DNAH8: variants seen among roughly 807,000 people sequenced by gnomAD.
DNAH8 encodes axonemal beta dynein heavy chain 8.
A neutral mutation model predicts 562.1 loss-of-function variants in DNAH8; 382 were observed. The ratio of observed to expected loss-of-function variants is 0.68; its 90% CI spans 0.63 to 0.74. The LOEUF is 0.74. Among genes scored for constraint, DNAH8 ranks in the 30% least tolerant of loss-of-function variants. The pLI is 0.00. For missense variants in DNAH8, 5,203 were observed against 5,620.4 expected (o/e 0.93, Z 2.37); for synonymous variants, 1,881 against 1,919.4 (o/e 0.98, Z 0.52).
chr6:38,873,424 T>C (rs1261409552), intron 52 of DNAH8, 48 bp downstream of exon 52: 2 of 1,518,428 alleles, frequency 1.3e-6, no homozygotes, highest in South Asian at 2.6e-5. Context: ...GATTTTTTTT[T>C]CACTCAGTTG....
chr6:38,828,745 A>G (rs1296491504), intron 30 of DNAH8, among the ~76,000 whole-genome samples: 1 of 152,216 alleles, frequency 6.6e-6, no homozygotes, highest in Non-Finnish European at 1.5e-5. Flanking sequence ...TAGAATACAC[A>G]TACCATAAAG....
At chr6:38,986,464 T>C (rs114216339) in intron 87 of DNAH8, among the ~76,000 whole-genome samples, 4,925 of 152,062 alleles carry the variant, frequency 0.032, 116 homozygotes, top group Middle Eastern at 0.048. Context: ...AGACAGTGAA[T>C]GGATATCAGG....
intron 12 of DNAH8, among the ~76,000 whole-genome samples, chr6:38,774,061 T>A (rs914275301): frequency 1.3e-5 from 2 of 151,576 alleles, no homozygotes; most frequent in Non-Finnish European, 3.0e-5. Context: ...TTATGGCAGG[T>A]ATAGACTTGA....
In DNAH8 at chr6:38,805,492, C is replaced by CA; in HGVS notation, c.3047dup (p.His1016GlnfsTer7). The CA allele has an allele frequency of 6.2e-7, 1 of 1,603,964 alleles. No individual in the cohort carries two copies. Among genetic ancestry groups the CA allele is most frequent in the Non-Finnish European group, 8.5e-7 (1 of 1,171,272 alleles). ...TCTTTTGTCTATAGAACAGCGGAAA[C>CA]ACGTTGTTTTTGGAAGTGAAACAGG... is the stretch of plus-strand genomic sequence containing the variant. On this transcript the variant is annotated frameshift_variant, in exon 23 of 93. Transcript: ENST00000327475. LOFTEE classifies it high-confidence loss of function.
At chr6:38,751,720 T>A (rs1051852319) in intron 9 of DNAH8, among the ~76,000 whole-genome samples, 1 of 152,194 alleles carries the variant, frequency 6.6e-6, no homozygotes, top group Non-Finnish European at 1.5e-5. Flanking sequence ...TGGTATTTCA[T>A]AATATTTCAT....
chr6:39,013,854 AAGAG>A (rs771882353), intron 91 of DNAH8, among the ~76,000 whole-genome samples: 3 of 150,802 alleles, frequency 2.0e-5, no homozygotes, highest in Non-Finnish European at 3.0e-5. Context: ...CTATCTAAAA[AAGAG>A]AGAGAGAGAG....
intron 53 of DNAH8, among the ~76,000 whole-genome samples, chr6:38,876,201 T>C (rs928344854): frequency 9.9e-5 from 15 of 152,212 alleles, no homozygotes; most frequent in African/African-American, 3.6e-4. Flanking sequence ...ACAATTCCCC[T>C]GTTGGGAATG....
At chr6:38,720,235 G>A (rs1370431636) in intron 1 of DNAH8, among the ~76,000 whole-genome samples, 2 of 152,190 alleles carry the variant, frequency 1.3e-5, no homozygotes, top group Non-Finnish European at 2.9e-5. Context: ...TATCAGCAGT[G>A]CTAAAGGGAG....
intron 80 of DNAH8, among the ~76,000 whole-genome samples, chr6:38,947,091 A>G (rs1295266923): frequency 6.6e-6 from 1 of 152,208 alleles, no homozygotes; most frequent in Non-Finnish European, 1.5e-5. Context: ...AGATGAGATA[A>G]CAGAGATTCA....
Position 38,807,858 on chromosome 6 carries a change from A to G in DNAH8, c.3257+142A>G, listed in dbSNP as rs566029738. The G allele has an allele frequency of 6.9e-5, 28 of 403,376 alleles. 1 individual carries two copies. The South Asian group carries it at 2.9e-3, about 42-fold the overall frequency. The allele number at this position is 403,376 out of a possible 1,614,324, so 25.0% of individuals were successfully genotyped here. ...GACTGTATGAAAGTATTTGTGTAATACTGCAAGAACTGTAGTTAAATGAAC... is the reference window on the plus strand; with the variant it reads ...GACTGTATGAAAGTATTTGTGTAATGCTGCAAGAACTGTAGTTAAATGAAC... On this transcript the variant is annotated intron_variant, in intron 24 of 92. Transcript: ENST00000327475.
chr6:38,727,926 C>A (rs997652858), intron 3 of DNAH8, among the ~76,000 whole-genome samples: 12 of 152,108 alleles, frequency 7.9e-5, no homozygotes, highest in Non-Finnish European at 1.8e-4. Flanking sequence ...AGGTCCAATC[C>A]CAGGTTCTGT....
chr6:38,739,670 A>G (rs1410586788), intron 7 of DNAH8, among the ~76,000 whole-genome samples: 4 of 152,184 alleles, frequency 2.6e-5, no homozygotes, highest in Admixed American at 6.5e-5. Flanking sequence ...AAGAAAAAAC[A>G]TAGACCATTA....
rs372163928 is a variant in DNAH8 at position 38,868,133 on chromosome 6, A to C, written c.6765A>C (p.Arg2255Ser). The change falls in exon 48 of 93, where the codon AGA becomes AGC. Residue 2255 changes from arginine to serine, a missense_variant. This residue lies in a region of DNAH8 where 2,176 missense variants were observed against 2,365.1 expected (regional missense o/e 0.92). Transcript: ENST00000327475. ...CTCTTGGATCTCAAAAAAGAGCCAG[A>C]CCAGAAGATAGTGAATTAAGCATTG... ...LRTLGSQKRA[R>S]PEDSELSIVM... 3 of 1,613,878 alleles carry C rather than the reference A, an allele frequency of 1.9e-6. No individual in the cohort carries two copies. The highest frequency in any genetic ancestry group is 2.5e-6 in the Non-Finnish European group (3 of 1,179,790).
intron 27 of DNAH8, among the ~76,000 whole-genome samples, 172 bp from the exon 28 acceptor site, chr6:38,823,390 T>G (rs985374272): frequency 6.6e-6 from 1 of 152,216 alleles, no homozygotes; most frequent in Non-Finnish European, 1.5e-5. Context: ...AACCATGCCC[T>G]GCAGACTGTG....
At chr6:38,937,891 GT>G (rs199520405) in intron 77 of DNAH8, 82 bp from the exon 78 acceptor site, 10,856 of 1,170,084 alleles carry the variant, frequency 9.3e-3, no homozygotes, top group Non-Finnish European at 9.8e-3. Context: ...AGCTAACAGC[GT>G]TTTTTTTTTT....
rs1583331664 is a variant in DNAH8, at chr6:38,911,567, G to A, written c.9840G>A (p.Gln3280=). Residue 3280 remains glutamine, a synonymous_variant, in exon 66 of 93, where the codon CAG becomes CAA. Transcript: ENST00000327475. ...AAAAGGTGAAGTTCATTAATGAACA[G>A]GCTGAACGTATGAATATTGGTAAGA... The part of the protein sequence containing the change: ...YAEKVKFINE[Q]AERMNIGLDK... The A allele has an allele frequency of 1.2e-6, 2 of 1,602,700 alleles. No homozygotes were observed. The highest frequency in any genetic ancestry group is 8.5e-7 in the Non-Finnish European group (1 of 1,169,670).
intron 41 of DNAH8, 117 bp downstream of exon 41, chr6:38,853,464 G>T (rs1365553644): frequency 1.8e-6 from 2 of 1,142,852 alleles, no homozygotes; most frequent in Admixed American, 4.8e-5. Context: ...TTAGGTTAGA[G>T]TGGCCTACTC....
chr6:39,029,312 C>T (rs113149088), intron 92 of DNAH8, among the ~76,000 whole-genome samples: 1 of 152,218 alleles, frequency 6.6e-6, no homozygotes, highest in African/African-American at 2.4e-5. Flanking sequence ...GCTGCAAGCC[C>T]ATCAAGGCCC....
chr6:38,883,002 G>T lies in DNAH8; in HGVS notation c.7951G>T (p.Asp2651Tyr). Residue 2651 changes from aspartate (D) to tyrosine (Y), a missense_variant, in exon 54 of 93, where the codon GAC becomes TAC. Asp to Tyr is a radical substitution (Grantham distance 160). Transcript: ENST00000327475. Reference sequence around the variant, plus strand: ...TTCATCAATTTTGGTTCCAAATGTTGACAATATTAGAACAAATTTTTTGAT... The same window carrying T: ...TTCATCAATTTTGGTTCCAAATGTTTACAATATTAGAACAAATTTTTTGAT... The part of the protein sequence containing the change: ...EYSSILVPNV[D>Y]NIRTNFLIDT... 6.2e-7 allele frequency: 1 copy of T among 1,604,382 alleles called. No individual in the cohort carries two copies. Among genetic ancestry groups the T allele is most frequent in the Middle Eastern group, 1.7e-4 (1 of 6,042 alleles).
Sources: gnomAD v4.1 joint callset for allele counts (sites outside exome capture counted in the v4.1 genomes callset) on GRCh38, gnomAD v4.1.1 for gene constraint, gnomAD v4.1.1 regional missense constraint, MANE v1.5 for transcripts, NCBI Gene and HGNC (gene_info 2026-07-23, HGNC 2026-07-21) for gene names.